FHIT: variants seen among roughly 807,000 people sequenced by gnomAD.
FHIT encodes fragile histidine triad diadenosine triphosphatase.
FHIT carries 19 observed loss-of-function variants against 17.9 expected under a neutral mutation model. The ratio of observed to expected loss-of-function variants is 1.06; its 90% CI spans 0.74 to 1.56. FHIT has a LOEUF of 1.56. FHIT is among the 40% of genes most tolerant of loss of function. The pLI is 0.00. For missense variants in FHIT, 248 were observed against 189.2 expected, an observed-to-expected ratio of 1.31 and a Z score of -1.82; for synonymous variants, 81 against 69.7, an observed-to-expected ratio of 1.16 and a Z score of -0.81.
intron 4 of FHIT, among the ~76,000 whole-genome samples, chr3:60,686,792 T>G (rs1247985250): frequency 6.6e-6 from 1 of 152,196 alleles, no homozygotes; most frequent in African/African-American, 2.4e-5. Flanking sequence ...CCAGAAAGAC[T>G]GAGCTTCCTA....
At chr3:60,302,218 G>C (rs1708484578) in intron 5 of FHIT, among the ~76,000 whole-genome samples, 1 of 152,054 alleles carries the variant, frequency 6.6e-6, no homozygotes, top group Non-Finnish European at 1.5e-5. Context: ...ATCTCTAAGA[G>C]TTCAAGGAAA....
chr3:60,118,821 A>G (rs555512092), intron 5 of FHIT, among the ~76,000 whole-genome samples: 1 of 147,204 alleles, frequency 6.8e-6, no homozygotes, highest in Admixed American at 6.8e-5. Context: ...GTTTGAGACC[A>G]GCCTGGGCAA....
chr3:61,002,482 A>C (rs982431317), intron 3 of FHIT, among the ~76,000 whole-genome samples: 2 of 152,032 alleles, frequency 1.3e-5, no homozygotes, highest in Non-Finnish European at 2.9e-5. Context: ...AGCTGGTTTC[A>C]AACTCCTGGG....
chr3:61,006,539 GA>G (rs1205620665), intron 3 of FHIT, among the ~76,000 whole-genome samples: 2 of 147,496 alleles, frequency 1.4e-5, no homozygotes, highest in Non-Finnish European at 3.0e-5. Flanking sequence ...TTTCCTTTCT[GA>G]AAAAAAAGTA....
chr3:61,171,408 A>G (rs892640341), intron 2 of FHIT, among the ~76,000 whole-genome samples: 1 of 152,184 alleles, frequency 6.6e-6, no homozygotes, highest in Non-Finnish European at 1.5e-5. Context: ...TTGTCTGTTT[A>G]GTCTGCTGAT....
At chr3:60,378,008 G>C (rs75143838) in intron 5 of FHIT, among the ~76,000 whole-genome samples, 2,371 of 152,190 alleles carry the variant, frequency 0.016, 32 homozygotes, top group Non-Finnish European at 0.025. Flanking sequence ...AGCAATGTGA[G>C]AGACTATTAT....
chr3:60,539,797 G>A (rs1224963567), intron 4 of FHIT, among the ~76,000 whole-genome samples: 1 of 152,056 alleles, frequency 6.6e-6, no homozygotes, highest in Non-Finnish European at 1.5e-5. Context: ...GTTGTGGGGT[G>A]GGGCGAGGGT....
intron 5 of FHIT, among the ~76,000 whole-genome samples, chr3:60,108,234 G>A (rs1244453826): frequency 6.6e-6 from 1 of 152,118 alleles, no homozygotes; most frequent in Non-Finnish European, 1.5e-5. Flanking sequence ...GGGTTGTATG[G>A]GGGAGTTCCT....
chr3:60,403,510 C>T (rs1408936273), intron 5 of FHIT, among the ~76,000 whole-genome samples: 1 of 152,104 alleles, frequency 6.6e-6, no homozygotes, highest in East Asian at 1.9e-4. Context: ...CCCCATAGGC[C>T]AGCCACAAAA....
intron 4 of FHIT, among the ~76,000 whole-genome samples, chr3:60,569,374 A>C (rs2107658305): frequency 6.6e-6 from 1 of 152,208 alleles, no homozygotes; most frequent in African/African-American, 2.4e-5. Context: ...TTTATTCCCA[A>C]AGAGGCTAAC....
rs180985 is a variant in FHIT at position 60,553,502 on chromosome 3, A to T, written c.-17-16523T>A. 8.2e-3 allele frequency: 750 copies of T among 91,666 alleles called. 15 individuals are homozygous for T. Among genetic ancestry groups the T allele is most frequent in the Admixed American group, 0.042 (383 of 9,116 alleles). The allele number at this position is 91,666 out of a possible 1,614,324, so 5.7% of individuals were successfully genotyped here. A position where few individuals can be genotyped will look rare whatever the true frequency, so the allele number is the denominator to read the frequency against. ...TATAAAAATTATATATATTTAAAAAAATATATATATATATATATAGAGAGA... is the reference window on the plus strand; with the variant it reads ...TATAAAAATTATATATATTTAAAAATATATATATATATATATATAGAGAGA... On this transcript the variant is annotated intron_variant, in intron 4 of 9. Transcript: ENST00000492590.
At chr3:60,457,196 G>C (rs1389367564) in intron 5 of FHIT, among the ~76,000 whole-genome samples, 1 of 152,056 alleles carries the variant, frequency 6.6e-6, no homozygotes, top group African/African-American at 2.4e-5. Context: ...CAAGGCTACA[G>C]TAACCAAAAC....
intron 4 of FHIT, chr3:60,730,111 G>A (rs912884033): frequency 2.0e-6 from 1 of 511,304 alleles, no homozygotes; most frequent in East Asian, 5.6e-5. Context: ...CAATGTCATG[G>A]CAATTAGAAC....
chr3:61,156,169 C>G (rs556115164), intron 2 of FHIT, among the ~76,000 whole-genome samples: 1 of 152,182 alleles, frequency 6.6e-6, no homozygotes, highest in Non-Finnish European at 1.5e-5. Flanking sequence ...TCACCCCATA[C>G]GCTTTTTCCC....
chr3:61,229,379 C>T (rs541017438), intron 1 of FHIT, among the ~76,000 whole-genome samples: 27 of 152,288 alleles, frequency 1.8e-4, no homozygotes, highest in African/African-American at 6.0e-4. Context: ...TCCCCTAGAG[C>T]CTGTTGAGGG....
intron 2 of FHIT, among the ~76,000 whole-genome samples, chr3:61,197,462 TA>T (rs1419786574): frequency 6.6e-6 from 1 of 151,856 alleles, no homozygotes; most frequent in Non-Finnish European, 1.5e-5. Context: ...AAAATTGATA[TA>T]CCTGTTAAAA....
chr3:61,096,562 G>C (rs2035645567), intron 2 of FHIT, among the ~76,000 whole-genome samples: 1 of 152,172 alleles, frequency 6.6e-6, no homozygotes, highest in African/African-American at 2.4e-5. Context: ...TTGTGGAATG[G>C]AAAATGCCTT....
At chr3:60,867,979 T>C (rs1196032997) in intron 3 of FHIT, among the ~76,000 whole-genome samples, 1 of 152,152 alleles carries the variant, frequency 6.6e-6, no homozygotes, top group Admixed American at 6.6e-5. Context: ...ACAGTAGAGG[T>C]AGCTTATAAG....
intron 3 of FHIT, among the ~76,000 whole-genome samples, chr3:60,898,069 C>T (rs1705922221): frequency 6.6e-6 from 1 of 152,118 alleles, no homozygotes; most frequent in Non-Finnish European, 1.5e-5. Flanking sequence ...TATATGTAAA[C>T]ACACACCTAT....
Sources: gnomAD v4.1 joint callset for allele counts (sites outside exome capture counted in the v4.1 genomes callset) on GRCh38, gnomAD v4.1.1 for gene constraint, MANE v1.5 for transcripts, NCBI Gene and HGNC (gene_info 2026-07-23, HGNC 2026-07-21) for gene names.